Variants in IL1RAPL2 observed in about 807,000 individuals in gnomAD.
The protein encoded by IL1RAPL2 is X-linked interleukin-1 receptor accessory protein-like 2.
Under a neutral mutation model 44.1 loss-of-function variants are expected in IL1RAPL2, and 3 were observed. The ratio of observed to expected loss-of-function variants is 0.07; its 90% confidence interval spans 0.03 to 0.18. The LOEUF (loss-of-function observed/expected upper bound fraction) is 0.18. IL1RAPL2 is among the 10% of genes least tolerant of loss of function. The pLI is 1.00. For missense variants in IL1RAPL2, 391 were observed against 496.4 expected (o/e 0.79, Z 2.02); for synonymous variants, 181 against 178.8 (o/e 1.01, Z -0.10).
At chrX:104,986,414 A>C (rs1228925800) in intron 2 of IL1RAPL2, among the ~76,000 whole-genome samples, 1 of 112,568 alleles carries the variant, frequency 8.9e-6, no homozygotes. Flanking sequence ...CTAAAGGCTT[A>C]GTAATTGATA....
chrX:105,619,802 A>G (rs937800689), intron 6 of IL1RAPL2, among the ~76,000 whole-genome samples: 1 of 111,248 alleles, frequency 9.0e-6, no homozygotes, highest in Non-Finnish European at 1.9e-5. Flanking sequence ...AGTAAATGAT[A>G]TGCCATAGGT....
At chrX:105,704,487 G>A (rs2038146413) in intron 6 of IL1RAPL2, among the ~76,000 whole-genome samples, 1 of 111,771 alleles carries the variant, frequency 8.9e-6, no homozygotes, top group Non-Finnish European at 1.9e-5. Flanking sequence ...TTAAATGGTT[G>A]TTTTAAAGAA....
chrX:104,623,502 G>A (rs190048172), intron 1 of IL1RAPL2, among the ~76,000 whole-genome samples: 5 of 110,889 alleles, frequency 4.5e-5, no homozygotes, highest in African/African-American at 1.6e-4. Flanking sequence ...GGTCATGATG[G>A]GAGTATTCAC....
intron 1 of IL1RAPL2, among the ~76,000 whole-genome samples, chrX:104,601,546 G>A (rs1928883905): frequency 8.9e-6 from 1 of 111,821 alleles, no homozygotes; most frequent in Admixed American, 9.5e-5. Flanking sequence ...ATTTGACCTA[G>A]GTCAAATGGC....
chrX:105,031,816 A>C (rs1364545684), intron 2 of IL1RAPL2, among the ~76,000 whole-genome samples: 1 of 109,528 alleles, frequency 9.1e-6, no homozygotes, highest in Admixed American at 9.7e-5. Context: ...TTCAGAAGGA[A>C]ACTCTTCTGG....
chrX:105,618,990 A>G (rs1049313163), intron 6 of IL1RAPL2, among the ~76,000 whole-genome samples: 4 of 111,390 alleles, frequency 3.6e-5, no homozygotes, highest in African/African-American at 1.3e-4. Flanking sequence ...CCATGGAGGT[A>G]TAAGGGAGGA....
intron 2 of IL1RAPL2, among the ~76,000 whole-genome samples, chrX:104,939,120 G>A (rs1481593627): frequency 2.9e-5 from 3 of 104,047 alleles, no homozygotes; most frequent in African/African-American, 1.1e-4. Flanking sequence ...GCAGTGGTGC[G>A]ATCTTGGCTC....
chrX:105,251,580 G>GTT (rs111843969), intron 4 of IL1RAPL2, among the ~76,000 whole-genome samples: 6 of 99,766 alleles, frequency 6.0e-5, no homozygotes, highest in African/African-American at 2.2e-4. Context: ...AAGTGGGGAG[G>GTT]TTTTTTTTTT....
intron 3 of IL1RAPL2, among the ~76,000 whole-genome samples, chrX:105,215,600 A>T (rs1014688412): frequency 1.8e-5 from 2 of 111,964 alleles, no homozygotes; most frequent in Non-Finnish European, 3.8e-5. Flanking sequence ...ATCCTCTCTA[A>T]CTCATTTTAT....
intron 2 of IL1RAPL2, among the ~76,000 whole-genome samples, chrX:105,116,595 G>A (rs1274636087): frequency 8.9e-6 from 1 of 112,107 alleles, no homozygotes; most frequent in Non-Finnish European, 1.9e-5. Context: ...CAAGCATTCT[G>A]GGAATGTAAG....
intron 2 of IL1RAPL2, among the ~76,000 whole-genome samples, chrX:104,987,004 T>C (rs754319903): frequency 1.8e-5 from 2 of 112,537 alleles, no homozygotes; most frequent in South Asian, 7.3e-4. Flanking sequence ...CAGGCACTAA[T>C]GTTAATACAA....
At chrX:104,730,919 C>G (rs1931901830) in intron 2 of IL1RAPL2, among the ~76,000 whole-genome samples, 1 of 111,337 alleles carries the variant, frequency 9.0e-6, no homozygotes, top group Non-Finnish European at 1.9e-5. Flanking sequence ...ACCATTCTAA[C>G]TGGTGTGAGA....
intron 2 of IL1RAPL2, among the ~76,000 whole-genome samples, chrX:104,855,681 G>GTTTTTTTTTTTTTTTTTTTTTTTTTTTTT (rs1556002120): frequency 1.9e-5 from 1 of 53,880 alleles, no homozygotes; most frequent in African/African-American, 6.1e-5. Context: ...ATCTGGATCC[G>GTTTTTTTTTTTTTTTTTTTTTTTTTTTTT]TTTTTTTTTT....
intron 2 of IL1RAPL2, among the ~76,000 whole-genome samples, chrX:105,089,698 T>C (rs1445275415): frequency 8.9e-6 from 1 of 111,853 alleles, no homozygotes; most frequent in Non-Finnish European, 1.9e-5. Context: ...GACTGTTATA[T>C]TATGCTCCAG....
intron 2 of IL1RAPL2, among the ~76,000 whole-genome samples, chrX:104,687,543 A>T (rs1173339358): frequency 1.8e-5 from 2 of 111,562 alleles, no homozygotes; most frequent in Admixed American, 1.9e-4. Context: ...AAATTTCAAC[A>T]TGAGATTTGG....
chrX:105,466,172 A>G (rs73527161), intron 5 of IL1RAPL2, among the ~76,000 whole-genome samples: 3,000 of 110,940 alleles, frequency 0.027, 110 homozygotes, highest in African/African-American at 0.092. Context: ...ATAGGAAGCT[A>G]ACATTTGTGG....
At chrX:105,150,388 A>G (rs1399007530) in intron 2 of IL1RAPL2, among the ~76,000 whole-genome samples, 1 of 112,038 alleles carries the variant, frequency 8.9e-6, no homozygotes, top group Non-Finnish European at 1.9e-5. Flanking sequence ...TTAAAAATCT[A>G]TCTGTTCAAA....
intron 2 of IL1RAPL2, among the ~76,000 whole-genome samples, chrX:104,696,902 A>G (rs1931191959): frequency 8.9e-6 from 1 of 111,819 alleles, no homozygotes; most frequent in South Asian, 3.7e-4. Context: ...CAAAGGATAG[A>G]TTTGGCACAC....
chrX:105,484,467 G>A, intron 6 of IL1RAPL2, 80 bp downstream of exon 6: 1 of 645,847 alleles, frequency 1.5e-6, no homozygotes, highest in Non-Finnish European at 2.6e-6. Flanking sequence ...ACCAGGAAAG[G>A]TTTATTGCCA....
Sources: gnomAD v4.1 joint callset for allele counts (sites outside exome capture counted in the v4.1 genomes callset) on GRCh38, gnomAD v4.1.1 for gene constraint, MANE v1.5 for transcripts, NCBI Gene and HGNC (gene_info 2026-07-23, HGNC 2026-07-21) for gene names.